TRIM71: variants seen among roughly 807,000 people sequenced by gnomAD.
TRIM71 encodes tripartite motif containing 71, also known as E3 ubiquitin-protein ligase TRIM71.
TRIM71 carries 9 observed loss-of-function variants against 61.2 expected under a neutral mutation model. That is an observed-to-expected ratio of 0.15 (90% CI 0.09 to 0.26). TRIM71 has a LOEUF of 0.26. TRIM71 is among the 10% of genes least tolerant of loss of function. The pLI is 1.00. For missense variants in TRIM71, 998 were observed against 1,238.7 expected (o/e 0.81, Z 2.92); for synonymous variants, 645 against 553.2 (o/e 1.17, Z -2.33).
chr3:32,892,017 C>A lies in TRIM71; in HGVS notation c.*206C>A. ...CTTTATTTTTTTACAGATGAATGTA[C>A]TTATCTTTTCTGCAGGGATTGAGCC... is the stretch of plus-strand genomic sequence containing the variant. On this transcript the variant is annotated 3_prime_UTR_variant, in exon 4 of 4. Transcript: ENST00000383763. The A allele has an allele frequency of 1.5e-6, 1 of 649,144 alleles. No homozygotes were observed. The highest frequency in any genetic ancestry group is 2.4e-6 in the Non-Finnish European group (1 of 413,172). 40.2% of individuals were successfully genotyped at this position (649,144 alleles called of 1,614,324 possible).
intron 1 of TRIM71, among the ~76,000 whole-genome samples, chr3:32,827,637 G>A (rs1696219987): frequency 6.6e-6 from 1 of 152,162 alleles, no homozygotes; most frequent in Non-Finnish European, 1.5e-5. Flanking sequence ...AACATTAATA[G>A]GTTTTAAAGC....
At position 32,818,483 on chromosome 3, in the gene TRIM71, G is replaced by C; in HGVS notation, c.403G>C (p.Gly135Arg). 1 of 1,442,916 alleles carries C rather than the reference G, an allele frequency of 6.9e-7. No homozygotes were observed. 89.4% of individuals were successfully genotyped at this position (1,442,916 alleles called of 1,614,324 possible). Residue 135 changes from glycine to arginine, a missense_variant, in exon 1 of 4, where the codon GGG becomes CGG. This residue lies in a region of TRIM71 where 527 missense variants were observed against 427.8 expected (regional missense o/e 1.23). Coordinates refer to ENST00000383763, the MANE Select transcript of TRIM71 (RefSeq NM_001039111.3). ...ATADEPPPKN[G>R]RAGAPAGAGG... ...TGCCGACGAGCCGCCGCCCAAGAAC[G>C]GGCGCGCCGGCGCTCCGGCGGGAGC...
Position 32,818,225 on chromosome 3 carries a change from C to G in TRIM71, c.145C>G (p.Pro49Ala). The G allele has an allele frequency of 6.6e-7, 1 of 1,520,132 alleles. No homozygotes were observed. Among genetic ancestry groups the G allele is most frequent in the Middle Eastern group, 1.8e-4 (1 of 5,422 alleles). 94.2% of individuals were successfully genotyped at this position (1,520,132 alleles called of 1,614,324 possible). Residue 49 changes from proline (P) to alanine (A), a missense_variant, in exon 1 of 4, where the codon CCT becomes GCT. Transcript: ENST00000383763. ...STSSGGGGGG[P>A]GAAARRLHVL... Reference sequence around the variant, plus strand: ...GTCGTCGGGGGGCGGCGGCGGGGGCCCTGGGGCGGCGGCGCGCCGCCTACA... The same window carrying G: ...GTCGTCGGGGGGCGGCGGCGGGGGCGCTGGGGCGGCGGCGCGCCGCCTACA...
At chr3:32,842,961 G>A (rs1388835233) in intron 1 of TRIM71, among the ~76,000 whole-genome samples, 1 of 150,768 alleles carries the variant, frequency 6.6e-6, no homozygotes, top group Non-Finnish European at 1.5e-5. Context: ...ATGAGTCTTA[G>A]GTGCTTAATA....
chr3:32,847,314 C>T (rs1007918785), intron 1 of TRIM71, among the ~76,000 whole-genome samples: 12 of 151,792 alleles, frequency 7.9e-5, no homozygotes, highest in Non-Finnish European at 7.4e-5. Flanking sequence ...CTCCTGCCTC[C>T]ACCTCCCGAG....
At chr3:32,823,001 T>C (rs1217885446) in intron 1 of TRIM71, among the ~76,000 whole-genome samples, 1 of 152,230 alleles carries the variant, frequency 6.6e-6, no homozygotes, top group East Asian at 1.9e-4. Flanking sequence ...TATTCTAGTA[T>C]TTCTGTTACC....
At chr3:32,834,359 A>C (rs1490444488) in intron 1 of TRIM71, among the ~76,000 whole-genome samples, 2 of 152,226 alleles carry the variant, frequency 1.3e-5, no homozygotes, top group Non-Finnish European at 2.9e-5. Flanking sequence ...TGTGCAATAA[A>C]TCCAGACTTG....
At position 32,896,381 on chromosome 3, in the gene TRIM71, A is replaced by C. The variant is rs1697078017; in HGVS notation, c.*4570A>C. On this transcript the variant is annotated 3_prime_UTR_variant, in exon 4 of 4. Transcript: ENST00000383763. ...GTTTTGACTGAGCAGTGACTGTTGA[A>C]GTGTGTATTGCTCTTTTGTTTTGTT... 1 of 152,146 alleles carries C rather than the reference A, an allele frequency of 6.6e-6. No homozygotes were observed. The highest frequency in any genetic ancestry group is 1.5e-5 in the Non-Finnish European group (1 of 68,040). The allele number at this position is 152,146 out of a possible 1,614,324, so 9.4% of individuals were successfully genotyped here.
At chr3:32,848,894 A>G (rs912588009) in intron 1 of TRIM71, among the ~76,000 whole-genome samples, 2 of 152,178 alleles carry the variant, frequency 1.3e-5, no homozygotes, top group Non-Finnish European at 2.9e-5. Flanking sequence ...GAGCCCTGCC[A>G]GACACATCCC....
intron 1 of TRIM71, among the ~76,000 whole-genome samples, chr3:32,851,106 T>C (rs1696533833): frequency 6.6e-6 from 1 of 152,256 alleles, no homozygotes; most frequent in Non-Finnish European, 1.5e-5. Context: ...GAAATGTTAC[T>C]GGTTCAGCTT....
chr3:32,854,688 G>A (rs1696576689), intron 1 of TRIM71, among the ~76,000 whole-genome samples: 1 of 152,232 alleles, frequency 6.6e-6, no homozygotes, highest in Non-Finnish European at 1.5e-5. Context: ...TAATAGATGA[G>A]AATGGTGTTT....
intron 1 of TRIM71, 53 bp downstream of exon 1, chr3:32,818,985 C>G (rs1207006083): frequency 1.5e-5 from 23 of 1,580,292 alleles, no homozygotes; most frequent in Non-Finnish European, 1.8e-5. Flanking sequence ...CGTGTGTGCT[C>G]AACAGCGTTT....
At chr3:32,843,044 CG>C (rs959989127) in intron 1 of TRIM71, among the ~76,000 whole-genome samples, 4 of 152,118 alleles carry the variant, frequency 2.6e-5, no homozygotes, top group African/African-American at 9.7e-5. Flanking sequence ...ATAGGATTAT[CG>C]GGGTGTTGGC....
Position 32,892,795 on chromosome 3 carries a change from C to G in TRIM71, c.*984C>G, listed in dbSNP as rs1429481492. 2 of 152,082 alleles carry G rather than the reference C, an allele frequency of 1.3e-5. No individual in the cohort carries two copies. Among genetic ancestry groups the G allele is most frequent in the Non-Finnish European group, 2.9e-5 (2 of 68,020 alleles). 9.4% of individuals were successfully genotyped at this position (152,082 alleles called of 1,614,324 possible). A position where few individuals can be genotyped will look rare whatever the true frequency, so the allele number is the denominator to read the frequency against. ...AAATGGAAGGAAAAAGGAAATTAAC[C>G]TCGTTCTCAGAGAGAGGGTTTTCAG... On this transcript the variant is annotated 3_prime_UTR_variant, in exon 4 of 4. Coordinates refer to ENST00000383763, the MANE Select transcript of TRIM71 (RefSeq NM_001039111.3).
Position 32,826,582 on chromosome 3 carries a change from C to CTTTTTTTTTTTTTTT in TRIM71, c.852+7658_852+7672dup, listed in dbSNP as rs71068090. On this transcript the variant is annotated intron_variant, in intron 1 of 3. Coordinates refer to ENST00000383763, the MANE Select transcript of TRIM71 (RefSeq NM_001039111.3). ...AACTTTAATTCCCATCAGGTGAGTT[C>CTTTTTTTTTTTTTTT]TTTTTTTTTTTTTTTTTTTTTTGAG... Among the ~76,000 whole-genome samples the CTTTTTTTTTTTTTTT allele has an allele frequency of 2.4e-5, 2 of 83,098 alleles. 1 individual carries two copies. Among genetic ancestry groups the CTTTTTTTTTTTTTTT allele is most frequent in the African/African-American group, 1.0e-4 (2 of 19,374 alleles). The allele number at this position is 83,098 out of a possible 152,430, so 54.5% of individuals were successfully genotyped here.
intron 1 of TRIM71, among the ~76,000 whole-genome samples, chr3:32,834,394 A>T (rs1559538778): frequency 6.6e-6 from 1 of 152,194 alleles, no homozygotes; most frequent in South Asian, 2.1e-4. Context: ...CTACAGCTAA[A>T]GTTATCTGTC....
intron 1 of TRIM71, among the ~76,000 whole-genome samples, chr3:32,872,792 C>G (rs1277365745): frequency 2.0e-5 from 3 of 152,206 alleles, no homozygotes; most frequent in African/African-American, 7.2e-5. Context: ...CTGTCCTCAC[C>G]TGGAGATGAA....
intron 1 of TRIM71, among the ~76,000 whole-genome samples, chr3:32,829,342 A>T (rs6809484): frequency 6.6e-6 from 1 of 151,946 alleles, no homozygotes; most frequent in Non-Finnish European, 1.5e-5. Context: ...GAGCCACCAC[A>T]CCCAACTAAT....
At position 32,865,792 on chromosome 3, in the gene TRIM71, GCCCCCCC is replaced by G. The variant is rs1299742812; in HGVS notation, c.853-8017_853-8011del. Among the ~76,000 whole-genome samples, 4 of 5,404 alleles carry G rather than the reference GCCCCCCC, an allele frequency of 7.4e-4. 1 individual carries two copies. Among genetic ancestry groups the G allele is most frequent in the Admixed American group, 2.6e-3 (1 of 382 alleles). The allele number at this position is 5,404 out of a possible 152,430, so 3.5% of individuals were successfully genotyped here. On this transcript the variant is annotated intron_variant, in intron 1 of 3. Coordinates refer to ENST00000383763, the MANE Select transcript of TRIM71 (RefSeq NM_001039111.3). ...GGACCTTTTAATTTGCCGCCCGCCG[GCCCCCCC>G]CCCCCCCCGCCCCACCTTTTTTTTT... is the stretch of plus-strand genomic sequence containing the variant.
Sources: allele counts gnomAD v4.1 joint callset (sites outside exome capture counted in the v4.1 genomes callset), GRCh38; gene constraint gnomAD v4.1.1; regional missense constraint gnomAD v4.1.1; transcripts MANE v1.5; gene names NCBI Gene and HGNC (gene_info 2026-07-23, HGNC 2026-07-21).